Variants in ZNF791 observed in about 807,000 individuals in gnomAD.
ZNF791 encodes zinc finger protein 791.
Under a neutral mutation model 11.5 loss-of-function variants are expected in ZNF791, and 4 were observed. The ratio of observed to expected loss-of-function variants is 0.35; its 90% CI spans 0.17 to 0.80. The LOEUF (loss-of-function observed/expected upper bound fraction) is 0.80, where lower values mean the gene tolerates loss of function less well. Ranked by LOEUF, ZNF791 falls within the 30% of genes least tolerant of loss-of-function variation. The pLI, the probability that ZNF791 is intolerant of heterozygous loss-of-function variation, is 0.53. For missense variants in ZNF791, 559 were observed against 699.4 expected (o/e 0.80, Z 2.26); for synonymous variants, 212 against 228.1 (o/e 0.93, Z 0.64).
At chr19:12,621,774 GT>G (rs2066646534) in intron 1 of ZNF791, among the ~76,000 whole-genome samples, 11 of 106,686 alleles carry the variant, frequency 1.0e-4, no homozygotes, top group Non-Finnish European at 1.4e-4. Context: ...GGTGGGGGGG[GT>G]CAGCCCCCCC....
intron 3 of ZNF791, among the ~76,000 whole-genome samples, chr19:12,626,922 G>A (rs1219484145): frequency 6.6e-6 from 1 of 152,014 alleles, no homozygotes; most frequent in Non-Finnish European, 1.5e-5. Flanking sequence ...GTACTTTAAA[G>A]CCTCACATAT....
In ZNF791 at chr19:12,632,713, CAG is replaced by C. The variant is rs1271114950; in HGVS notation, c.*3456_*3457del. On this transcript the variant is annotated 3_prime_UTR_variant, in exon 4 of 4. Transcript: ENST00000343325. Reference sequence around the variant, plus strand: ...AGGAGAAATGCTTGAACCTGGAAGTCAGAGGTTGCAGTGAGCCAAGATCACAC... The same window carrying C: ...AGGAGAAATGCTTGAACCTGGAAGTCAGGTTGCAGTGAGCCAAGATCACAC... The C allele has an allele frequency of 6.6e-6, 1 of 152,008 alleles. No individual in the cohort carries two copies. The highest frequency in any genetic ancestry group is 1.5e-5 in the Non-Finnish European group (1 of 68,036). 9.4% of individuals were successfully genotyped at this position (152,008 alleles called of 1,614,324 possible).
Position 12,627,855 on chromosome 19 carries a change from T to C in ZNF791, c.326T>C (p.Phe109Ser). 6.2e-7 allele frequency: 1 copy of C among 1,614,174 alleles called. No individual in the cohort carries two copies. Among genetic ancestry groups the C allele is most frequent in the Non-Finnish European group, 8.5e-7 (1 of 1,180,022 alleles). The change falls in exon 4 of 4, where the codon TTC (phenylalanine) becomes TCC (serine). Residue 109 changes from phenylalanine (F) to serine (S), a missense_variant. Transcript: ENST00000343325. Reference protein sequence around the residue: ...PYECTICGKAFMRLSSLTRHM... With the variant: ...PYECTICGKASMRLSSLTRHM... ...GAGTGTACTATCTGTGGAAAAGCCT[T>C]CATGCGTCTCTCATCCCTTACTAGA...
In ZNF791 at chr19:12,628,140, G is replaced by A. The variant is rs146161010; in HGVS notation, c.611G>A (p.Arg204Gln). 12 of 1,614,038 alleles carry A rather than the reference G, an allele frequency of 7.4e-6. No individual in the cohort carries two copies. Among genetic ancestry groups the A allele is most frequent in the East Asian group, 2.2e-5 (1 of 44,874 alleles). ...GKALSCSSSL[R>Q]VHERIHTGEK... ...GCTCTTAGTTGTTCCAGTTCGCTTCGAGTTCATGAAAGGATTCACACTGGA... is the reference window on the plus strand; with the variant it reads ...GCTCTTAGTTGTTCCAGTTCGCTTCAAGTTCATGAAAGGATTCACACTGGA... The change falls in exon 4 of 4, where the codon CGA becomes CAA. Residue 204 changes from arginine (R) to glutamine (Q), a missense_variant. Arg to Gln is a conservative substitution (Grantham distance 43). Coordinates refer to ENST00000343325, the MANE Select transcript of ZNF791 (RefSeq NM_153358.3).
At chr19:12,622,381 A>AAT (rs1476201032) in intron 1 of ZNF791, among the ~76,000 whole-genome samples, 1 of 127,910 alleles carries the variant, frequency 7.8e-6, no homozygotes, top group Non-Finnish European at 1.6e-5. Flanking sequence ...TAATAAATAA[A>AAT]AAAAATAATA....
chr19:12,623,577 A>G, intron 1 of ZNF791, 123 bp from the exon 2 acceptor site: 2 of 1,263,804 alleles, frequency 1.6e-6, no homozygotes, highest in Non-Finnish European at 2.2e-6. Context: ...TTACATTTCT[A>G]ACAATTGAGT....
chr19:12,623,980 C>T (rs1277959983), intron 2 of ZNF791, among the ~76,000 whole-genome samples, 154 bp downstream of exon 2: 2 of 151,256 alleles, frequency 1.3e-5, no homozygotes, highest in African/African-American at 2.4e-5. Flanking sequence ...CTCAGCCTCC[C>T]GAGTAGCTGG....
chr19:12,612,805 GAT>G (rs769952185), intron 1 of ZNF791, among the ~76,000 whole-genome samples: 1 of 118,680 alleles, frequency 8.4e-6, no homozygotes, highest in East Asian at 2.2e-4. Context: ...AATTCTGCTG[GAT>G]TTTTTTTTTT....
chr19:12,614,697 C>T (rs182338961), intron 1 of ZNF791, among the ~76,000 whole-genome samples: 6 of 150,922 alleles, frequency 4.0e-5, no homozygotes, highest in East Asian at 2.0e-4. Flanking sequence ...CAGGTTCAAG[C>T]GATTCTTCTG....
In ZNF791 at chr19:12,631,162, A is replaced by G. The variant is rs567532905; in HGVS notation, c.*1902A>G. ...TACTCTGTGTATTTTCTGTGTTTAG[A>G]CTCATAAATACTTAACATTTTGTTA... On this transcript the variant is annotated 3_prime_UTR_variant, in exon 4 of 4. Transcript: ENST00000343325. The G allele has an allele frequency of 3.3e-5, 5 of 152,176 alleles. No homozygotes were observed. The highest frequency in any genetic ancestry group is 1.2e-4 in the African/African-American group (5 of 41,518). The allele number at this position is 152,176 out of a possible 1,614,324, so 9.4% of individuals were successfully genotyped here.
At chr19:12,617,195 G>A (rs2023256469) in intron 1 of ZNF791, among the ~76,000 whole-genome samples, 1 of 143,570 alleles carries the variant, frequency 7.0e-6, no homozygotes, top group African/African-American at 2.6e-5. Flanking sequence ...GTGCAGTCTT[G>A]GCTCACTGCA....
chr19:12,621,876 C>T (rs1440766817), intron 1 of ZNF791, among the ~76,000 whole-genome samples: 4 of 126,758 alleles, frequency 3.2e-5, no homozygotes, highest in South Asian at 2.4e-4. Flanking sequence ...TCATTGAGAA[C>T]GGGCCAGGAT....
At chr19:12,621,131 A>G (rs1374745692) in intron 1 of ZNF791, among the ~76,000 whole-genome samples, 2 of 152,132 alleles carry the variant, frequency 1.3e-5, no homozygotes, top group African/African-American at 4.8e-5. Context: ...CCATCAGACC[A>G]TTGTGGACAT....
Position 12,629,021 on chromosome 19 carries a change from T to A in ZNF791, c.1492T>A (p.Cys498Ser). ...RTHTGEKPYE[C>S]KECGKAFIYP... ...TCACACTGGGGAGAAACCTTATGAA[T>A]GTAAGGAATGCGGGAAGGCCTTTAT... is the stretch of plus-strand genomic sequence containing the variant. The change falls in exon 4 of 4, where the codon TGT becomes AGT. Residue 498 changes from cysteine (C) to serine (S), a missense_variant. Transcript: ENST00000343325. The A allele has an allele frequency of 6.2e-7, 1 of 1,613,732 alleles. No individual in the cohort carries two copies. Among genetic ancestry groups the A allele is most frequent in the Non-Finnish European group, 8.5e-7 (1 of 1,179,918 alleles).
chr19:12,614,892 C>CTTTT lies in ZNF791; in HGVS notation c.3+3842_3+3845dup, dbSNP rs57575424. On this transcript the variant is annotated intron_variant, in intron 1 of 3. Transcript: ENST00000343325. ...ACAGGTGTGAGCCACTGCGTCCGGC[C>CTTTT]TTTTTTTTTTTTTTTTTTTTTTTTT... Among the ~76,000 whole-genome samples, 108 of 17,554 alleles carry CTTTT rather than the reference C, an allele frequency of 6.2e-3. 34 individuals are homozygous for CTTTT. The highest frequency in any genetic ancestry group is 0.011 in the African/African-American group (78 of 7,102). 11.5% of individuals were successfully genotyped at this position (17,554 alleles called of 152,430 possible).
chr19:12,628,921 A>G lies in ZNF791; in HGVS notation c.1392A>G (p.Gly464=), dbSNP rs767429623. 3.7e-6 allele frequency: 6 copies of G among 1,613,886 alleles called. No individual in the cohort carries two copies. The Admixed American group carries it at 1.0e-4, about 27-fold the overall frequency. Residue 464 remains glycine (G), a synonymous_variant, in exon 4 of 4, where the codon GGA becomes GGG. Transcript: ENST00000343325. ...ALRTHERTHT[G]EKPYECKQCG... ...GAACACATGAAAGAACTCACACTGG[A>G]GAGAAACCCTATGAATGTAAACAAT... is the stretch of plus-strand genomic sequence containing the variant.
intron 1 of ZNF791, among the ~76,000 whole-genome samples, chr19:12,617,760 CTTTTTTTT>C (rs1019193795): frequency 1.9e-4 from 10 of 51,720 alleles, no homozygotes; most frequent in African/African-American, 7.1e-4. Context: ...TGCTGGAACT[CTTTTTTTT>C]TTTTTTTTTT....
At chr19:12,623,633 TA>T in intron 1 of ZNF791, 66 bp from the exon 2 acceptor site, 1 of 1,599,292 alleles carries the variant, frequency 6.3e-7, no homozygotes, top group Non-Finnish European at 8.5e-7. Flanking sequence ...GTGAATTTCT[TA>T]TGAATTGAGG....
intron 1 of ZNF791, chr19:12,623,322 C>T (rs1041617692): frequency 5.3e-6 from 1 of 189,068 alleles, no homozygotes; most frequent in Non-Finnish European, 1.1e-5. Flanking sequence ...TGGAGGATTG[C>T]TTGAGCCGGG....
Sources: allele counts gnomAD v4.1 joint callset (sites outside exome capture counted in the v4.1 genomes callset), GRCh38; gene constraint gnomAD v4.1.1; transcripts MANE v1.5; gene names NCBI Gene and HGNC (gene_info 2026-07-23, HGNC 2026-07-21).